Variants in LRRC4C observed in about 807,000 individuals in gnomAD.
The protein encoded by LRRC4C is leucine-rich repeat-containing protein 4C.
Under a neutral mutation model 33.6 loss-of-function variants are expected in LRRC4C, and 5 were observed. That is an observed-to-expected ratio of 0.15 (90% CI 0.08 to 0.31). The LOEUF (loss-of-function observed/expected upper bound fraction) is 0.31, where lower values mean the gene tolerates loss of function less well. Ranked by LOEUF, LRRC4C falls within the 10% of genes least tolerant of loss-of-function variation. The pLI is 1.00. For missense variants in LRRC4C, 560 were observed against 796.7 expected (o/e 0.70, Z 3.58); for synonymous variants, 329 against 302.0 (o/e 1.09, Z -0.93).
Position 40,206,883 on chromosome 11 carries a change from A to G in LRRC4C, c.-96+34636T>C, listed in dbSNP as rs887252823. On this transcript the variant is annotated intron_variant, in intron 5 of 6. Transcript: ENST00000528697. ...ACTCATTAGATTTGGCTCTGGTAAGAATGACTTCTGCATTATAGGCAATAG... is the reference window on the plus strand; with the variant it reads ...ACTCATTAGATTTGGCTCTGGTAAGGATGACTTCTGCATTATAGGCAATAG... Among the ~76,000 whole-genome samples, 12 of 152,258 alleles carry G rather than the reference A, an allele frequency of 7.9e-5. No homozygotes were observed. In the South Asian group the frequency reaches 2.5e-3, roughly 32 times the overall value.
intron 1 of LRRC4C, among the ~76,000 whole-genome samples, chr11:41,269,809 T>G (rs1949266167): frequency 6.6e-6 from 1 of 152,114 alleles, no homozygotes; most frequent in African/African-American, 2.4e-5. Context: ...AACTATTGCC[T>G]TTAGCATCCA....
intron 1 of LRRC4C, among the ~76,000 whole-genome samples, chr11:41,099,481 A>G (rs1941029943): frequency 6.6e-6 from 1 of 152,132 alleles, no homozygotes; most frequent in African/African-American, 2.4e-5. Context: ...GCACATCAAA[A>G]AGCTAATCCA....
chr11:40,630,367 T>G (rs1458180732), intron 3 of LRRC4C, among the ~76,000 whole-genome samples: 3 of 104,242 alleles, frequency 2.9e-5, no homozygotes, highest in Non-Finnish European at 6.2e-5. Context: ...TTCTTCTTCT[T>G]CTTCTTCTTC....
At chr11:40,666,504 C>T (rs1237609112) in intron 2 of LRRC4C, among the ~76,000 whole-genome samples, 2 of 152,082 alleles carry the variant, frequency 1.3e-5, no homozygotes, top group South Asian at 2.1e-4. Flanking sequence ...TAACATTTGG[C>T]ATATCTGATT....
intron 2 of LRRC4C, among the ~76,000 whole-genome samples, chr11:40,931,874 G>T (rs555881892): frequency 4.6e-5 from 7 of 152,114 alleles, no homozygotes; most frequent in African/African-American, 1.7e-4. Flanking sequence ...TTTACCAAAG[G>T]TAGTGCTAAA....
intron 3 of LRRC4C, among the ~76,000 whole-genome samples, chr11:40,415,112 T>C (rs969308733): frequency 1.3e-5 from 2 of 152,154 alleles, no homozygotes; most frequent in African/African-American, 4.8e-5. Context: ...ATGAGAAGTA[T>C]AAAATCACTG....
chr11:40,591,863 AG>A (rs1959074311), intron 3 of LRRC4C, among the ~76,000 whole-genome samples: 1 of 152,346 alleles, frequency 6.6e-6, no homozygotes, highest in South Asian at 2.1e-4. Flanking sequence ...TTATACAACT[AG>A]GGACTTTGCA....
chr11:40,940,300 T>G (rs1204846869), intron 1 of LRRC4C, among the ~76,000 whole-genome samples: 2 of 152,122 alleles, frequency 1.3e-5, no homozygotes, highest in Admixed American at 1.3e-4. Context: ...AAGTTTAGAA[T>G]AGTATATTAT....
At chr11:40,505,623 C>T (rs1025687729) in intron 3 of LRRC4C, among the ~76,000 whole-genome samples, 1 of 152,132 alleles carries the variant, frequency 6.6e-6, no homozygotes, top group Non-Finnish European at 1.5e-5. Context: ...AAATTCCACT[C>T]AATGGTTGAC....
At chr11:41,125,235 C>T (rs932514314) in intron 1 of LRRC4C, among the ~76,000 whole-genome samples, 1 of 151,724 alleles carries the variant, frequency 6.6e-6, no homozygotes, top group African/African-American at 2.4e-5. Flanking sequence ...TGATGATTAT[C>T]TCTATAAAAT....
At chr11:40,451,242 T>C (rs1277832341) in intron 3 of LRRC4C, among the ~76,000 whole-genome samples, 1 of 150,230 alleles carries the variant, frequency 6.7e-6, no homozygotes, top group Admixed American at 6.6e-5. Flanking sequence ...GCCAGCTGCC[T>C]AGAAAACAGA....
intron 1 of LRRC4C, among the ~76,000 whole-genome samples, chr11:41,242,634 T>A (rs983573608): frequency 6.6e-6 from 1 of 152,172 alleles, no homozygotes; most frequent in Non-Finnish European, 1.5e-5. Flanking sequence ...ATTCATGAGG[T>A]GCTAGTGCTG....
chr11:41,245,769 G>A (rs1423440950), intron 1 of LRRC4C, among the ~76,000 whole-genome samples: 1 of 152,222 alleles, frequency 6.6e-6, no homozygotes, highest in Non-Finnish European at 1.5e-5. Context: ...GGAAGAATGA[G>A]GTACGCGGAC....
chr11:41,098,281 T>A (rs1461502524), intron 1 of LRRC4C, among the ~76,000 whole-genome samples: 1 of 152,168 alleles, frequency 6.6e-6, no homozygotes, highest in African/African-American at 2.4e-5. Flanking sequence ...GCGGCCACAC[T>A]GCTTGTAATA....
At chr11:40,723,480 C>A (rs1947129574) in intron 2 of LRRC4C, among the ~76,000 whole-genome samples, 1 of 152,052 alleles carries the variant, frequency 6.6e-6, no homozygotes. Flanking sequence ...AAAGAAATTT[C>A]AACCAAAAAT....
intron 1 of LRRC4C, among the ~76,000 whole-genome samples, chr11:41,156,202 T>C (rs538952935): frequency 5.9e-5 from 9 of 152,178 alleles, no homozygotes; most frequent in Non-Finnish European, 1.0e-4. Flanking sequence ...GATTGCAGGA[T>C]AGAAGGGCTC....
At chr11:40,686,967 G>A (rs934835874) in intron 2 of LRRC4C, among the ~76,000 whole-genome samples, 9 of 152,054 alleles carry the variant, frequency 5.9e-5, no homozygotes, top group African/African-American at 1.9e-4. Flanking sequence ...CAGGCCACAC[G>A]CAAGACTTCC....
chr11:40,330,837 A>G (rs991609665), intron 3 of LRRC4C, among the ~76,000 whole-genome samples: 8 of 152,172 alleles, frequency 5.3e-5, no homozygotes, highest in Non-Finnish European at 1.2e-4. Flanking sequence ...GGACACAGCC[A>G]AACCATATCA....
intron 2 of LRRC4C, among the ~76,000 whole-genome samples, chr11:40,805,022 T>C (rs1261543245): frequency 1.3e-5 from 2 of 152,204 alleles, no homozygotes; most frequent in African/African-American, 4.8e-5. Context: ...AATGATAATA[T>C]TTTAATTGAG....
Sources: allele counts gnomAD v4.1 joint callset (sites outside exome capture counted in the v4.1 genomes callset), GRCh38; gene constraint gnomAD v4.1.1; transcripts MANE v1.5; gene names NCBI Gene and HGNC (gene_info 2026-07-23, HGNC 2026-07-21).